MYT1L: variants seen among roughly 807,000 people sequenced by gnomAD.
MYT1L encodes the protein myelin transcription factor 1-like protein.
A neutral mutation model predicts 126.7 loss-of-function variants in MYT1L; 12 were observed. That is an observed-to-expected ratio of 0.09 (90% confidence interval 0.06 to 0.15). The LOEUF is 0.15. Among genes scored for constraint, MYT1L ranks in the 10% least tolerant of loss-of-function variants. MYT1L has a pLI of 1.00. For missense variants in MYT1L, 979 were observed against 1,585.2 expected (o/e 0.62, Z 6.49); for synonymous variants, 541 against 604.2 (o/e 0.90, Z 1.53).
At chr2:2,092,829 C>A (rs1208991343) in intron 3 of MYT1L, among the ~76,000 whole-genome samples, 2 of 152,188 alleles carry the variant, frequency 1.3e-5, no homozygotes, top group Admixed American at 1.3e-4. Context: ...CAAAAAGTGA[C>A]ACACAGAGCA....
At chr2:1,884,732 A>G (rs1441900340) in intron 18 of MYT1L, among the ~76,000 whole-genome samples, 4 of 152,220 alleles carry the variant, frequency 2.6e-5, no homozygotes, top group African/African-American at 9.7e-5. Context: ...CTTTTCGATC[A>G]ACCAAAATTA....
intron 11 of MYT1L, among the ~76,000 whole-genome samples, chr2:1,914,710 G>A (rs1037758330): frequency 1.3e-5 from 2 of 152,078 alleles, no homozygotes; most frequent in East Asian, 3.9e-4. Context: ...TAAGTTCACC[G>A]AGGCTATAAT....
At chr2:2,080,773 A>G (rs138884592) in intron 3 of MYT1L, among the ~76,000 whole-genome samples, 1,712 of 152,364 alleles carry the variant, frequency 0.011, 14 homozygotes, top group Middle Eastern at 0.031. Context: ...TATTGCAGCT[A>G]CTTTGACAAA....
At chr2:2,253,133 AG>A (rs1349186795) in intron 2 of MYT1L, among the ~76,000 whole-genome samples, 1 of 152,158 alleles carries the variant, frequency 6.6e-6, no homozygotes, top group Non-Finnish European at 1.5e-5. Flanking sequence ...AAAGAAAAAA[AG>A]AATTTAAAAA....
chr2:1,881,580 G>GA (rs2047556734), intron 18 of MYT1L, among the ~76,000 whole-genome samples: 1 of 152,086 alleles, frequency 6.6e-6, no homozygotes, highest in African/African-American at 2.4e-5. Context: ...TTGCAGATGT[G>GA]AAAATGTAAA....
chr2:1,863,616 G>T (rs1293844615), intron 18 of MYT1L, among the ~76,000 whole-genome samples: 3 of 152,084 alleles, frequency 2.0e-5, no homozygotes, highest in Non-Finnish European at 4.4e-5. Flanking sequence ...ACCCCGGAAG[G>T]ATAGAAATGG....
At chr2:1,937,652 C>T (rs1169352675) in intron 9 of MYT1L, among the ~76,000 whole-genome samples, 4 of 150,744 alleles carry the variant, frequency 2.7e-5, no homozygotes, top group South Asian at 2.1e-4. Flanking sequence ...CCCTAACATC[C>T]GCGGCCATCA....
intron 23 of MYT1L, among the ~76,000 whole-genome samples, chr2:1,794,025 C>T (rs964750282): frequency 1.3e-5 from 2 of 152,138 alleles, no homozygotes; most frequent in African/African-American, 2.4e-5. Flanking sequence ...TGTAAGCAGA[C>T]GTAGGTTTTC....
intron 2 of MYT1L, among the ~76,000 whole-genome samples, chr2:2,234,056 T>C (rs973747639): frequency 1.3e-5 from 2 of 152,248 alleles, no homozygotes; most frequent in African/African-American, 2.4e-5. Context: ...TATGAAAGTC[T>C]ATTCAGTGCA....
chr2:2,227,418 C>G (rs1193451880), intron 2 of MYT1L, among the ~76,000 whole-genome samples: 2 of 152,154 alleles, frequency 1.3e-5, no homozygotes, highest in African/African-American at 4.8e-5. Context: ...CCCATAAGCT[C>G]AAAACCCTTA....
At position 2,241,205 on chromosome 2, in the gene MYT1L, A is replaced by G. The variant is rs1185417096; in HGVS notation, c.-421+43199T>C. ...TAACCGCACGCTTCCTGCCATATCC[A>G]ATGCACTAAAAATGTGTGCTCTTAA... On this transcript the variant is annotated intron_variant, in intron 2 of 24. Transcript: ENST00000647738. 2.0e-5 allele frequency among the ~76,000 whole-genome samples: 3 copies of G among 152,194 alleles called. No individual in the cohort carries two copies. In the East Asian group the frequency reaches 5.8e-4, roughly 29 times the overall value.
chr2:1,886,182 T>C (rs548775973), intron 18 of MYT1L: 1 of 181,328 alleles, frequency 5.5e-6, no homozygotes, highest in South Asian at 2.0e-4. Context: ...TATGAATTTC[T>C]TTTAAAAATT....
intron 3 of MYT1L, among the ~76,000 whole-genome samples, chr2:2,114,161 G>A (rs531406897): frequency 1.3e-5 from 2 of 152,370 alleles, no homozygotes; most frequent in East Asian, 3.9e-4. Flanking sequence ...GCCCAGTCAT[G>A]CAGTGGATTG....
intron 1 of MYT1L, among the ~76,000 whole-genome samples, chr2:2,319,893 T>A (rs2096131209): frequency 6.6e-6 from 1 of 151,994 alleles, no homozygotes; most frequent in Admixed American, 6.6e-5. Context: ...ATATGCACAT[T>A]GTATTAATTA....
chr2:2,123,727 G>A (rs539540093), intron 3 of MYT1L, among the ~76,000 whole-genome samples: 11 of 152,176 alleles, frequency 7.2e-5, no homozygotes, highest in African/African-American at 1.9e-4. Context: ...ACTTAGTCTC[G>A]GGTATTTCAT....
intron 9 of MYT1L, among the ~76,000 whole-genome samples, chr2:1,932,306 C>G (rs1306739263): frequency 6.6e-6 from 1 of 152,210 alleles, no homozygotes; most frequent in Non-Finnish European, 1.5e-5. Context: ...ATACTTTCAT[C>G]AAACTGAAAA....
At chr2:2,252,669 G>A (rs187762553) in intron 2 of MYT1L, among the ~76,000 whole-genome samples, 59 of 152,248 alleles carry the variant, frequency 3.9e-4, no homozygotes, top group East Asian at 1.2e-3. Flanking sequence ...GGGAGGGCCC[G>A]GCATGCAAAG....
chr2:1,839,462 GA>G (rs1269843957), intron 20 of MYT1L, 92 bp from the exon 21 acceptor site: 14 of 1,179,056 alleles, frequency 1.2e-5, no homozygotes, highest in Middle Eastern at 2.1e-4. Context: ...GCATGAAGAA[GA>G]AAAAAACAAC....
intron 18 of MYT1L, among the ~76,000 whole-genome samples, chr2:1,861,975 C>T (rs1028532980): frequency 7.9e-5 from 12 of 151,790 alleles, no homozygotes; most frequent in South Asian, 2.1e-4. Flanking sequence ...CCTGGATCTG[C>T]CTGCAGCCTG....
Sources: gnomAD v4.1 joint callset for allele counts (sites outside exome capture counted in the v4.1 genomes callset) on GRCh38, gnomAD v4.1.1 for gene constraint, MANE v1.5 for transcripts, NCBI Gene and HGNC (gene_info 2026-07-23, HGNC 2026-07-21) for gene names.